RAPGEF1: variants seen among roughly 807,000 people sequenced by gnomAD.
The protein encoded by RAPGEF1 is Rap guanine nucleotide exchange factor 1, also known as CRK SH3-binding GNRP.
Under a neutral mutation model 143.3 loss-of-function variants are expected in RAPGEF1, and 33 were observed. The observed-to-expected ratio is 0.23, with a 90% CI of 0.17 to 0.31. The LOEUF (loss-of-function observed/expected upper bound fraction) is 0.31. RAPGEF1 is among the 10% of genes least tolerant of loss of function. The pLI, the probability that RAPGEF1 is intolerant of heterozygous loss-of-function variation, is 1.00. For missense variants in RAPGEF1, 1,199 were observed against 1,645.4 expected (o/e 0.73, Z 4.69); for synonymous variants, 629 against 676.5 (o/e 0.93, Z 1.09).
At position 131,649,551 on chromosome 9, in the gene RAPGEF1, G is replaced by A. The variant is rs181358758; in HGVS notation, c.315+578C>T. On this transcript the variant is annotated intron_variant, in intron 3 of 26. Coordinates refer to ENST00000683357, the MANE Select transcript of RAPGEF1 (RefSeq NM_001377935.1). Reference sequence around the variant, plus strand: ...AATGCTTAATATTTCTATAGATCCAGTTTCCTTTTTGGCAAAATAACTTTT... The same window carrying A: ...AATGCTTAATATTTCTATAGATCCAATTTCCTTTTTGGCAAAATAACTTTT... Among the ~76,000 whole-genome samples the A allele has an allele frequency of 1.6e-3, 240 of 152,216 alleles. 2 individuals carry two copies. Among genetic ancestry groups the A allele is most frequent in the African/African-American group, 5.5e-3 (229 of 41,506 alleles).
chr9:131,598,180 C>T lies in RAPGEF1; in HGVS notation c.2613+19G>A. The stretch of plus-strand genomic sequence containing the variant: ...TCTGTGGGGCCAGGCTGCAAAGCCC[C>T]AGCCCGGGAAGTTCTCACCTCCTGC... On this transcript the variant is annotated intron_variant, in intron 16 of 26. Transcript: ENST00000683357. 2 of 1,607,230 alleles carry T rather than the reference C, an allele frequency of 1.2e-6. No homozygotes were observed. Among genetic ancestry groups the T allele is most frequent in the Non-Finnish European group, 1.7e-6 (2 of 1,174,222 alleles).
rs1440239207 is a variant in RAPGEF1, at chr9:131,587,791, C to T, written c.3178G>A (p.Glu1060Lys). 6.2e-7 allele frequency: 1 copy of T among 1,613,868 alleles called. No homozygotes were observed. The highest frequency in any genetic ancestry group is 1.7e-5 in the Admixed American group (1 of 60,006). The change falls in exon 22 of 27, where the codon GAG (glutamate) becomes AAG (lysine). Residue 1060 changes from glutamate (E) to lysine (K), a missense_variant. This residue lies in a region of RAPGEF1 where 209 missense variants were observed against 403.0 expected (regional missense o/e 0.52). Coordinates refer to ENST00000683357, the MANE Select transcript of RAPGEF1 (RefSeq NM_001377935.1). ...VLLWAKEQNE[E>K]KSPNLTQFTE... ...AACTGGGTCAAGTTGGGGCTCTTCT[C>T]CTCATTCTGCTCTTTTGCCCAAAGC...
chr9:131,715,387 A>C (rs1536733), intron 1 of RAPGEF1, among the ~76,000 whole-genome samples: 132,282 of 152,008 alleles, frequency 0.87, 57,829 homozygotes, highest in African/African-American at 0.95. Context: ...TGTATGAAAG[A>C]CCTGTGTAGC....
chr9:131,662,760 C>T (rs1012151664), intron 1 of RAPGEF1, among the ~76,000 whole-genome samples: 12 of 152,074 alleles, frequency 7.9e-5, no homozygotes, highest in African/African-American at 2.7e-4. Flanking sequence ...CGAACCTGGT[C>T]TCAAACTCCT....
At chr9:131,630,552 G>A (rs1041834288) in intron 5 of RAPGEF1, among the ~76,000 whole-genome samples, 3 of 152,184 alleles carry the variant, frequency 2.0e-5, no homozygotes, top group African/African-American at 4.8e-5. Context: ...TTTCAAATGC[G>A]TAAAGGCACT....
chr9:131,643,184 A>G, intron 4 of RAPGEF1, 55 bp downstream of exon 4: 1 of 1,522,272 alleles, frequency 6.6e-7, no homozygotes, highest in South Asian at 1.3e-5. Context: ...CCAAACCAAG[A>G]TGCTTCTAAG....
chr9:131,697,276 G>A (rs1404087278), intron 1 of RAPGEF1, among the ~76,000 whole-genome samples: 1 of 152,176 alleles, frequency 6.6e-6, no homozygotes, highest in Non-Finnish European at 1.5e-5. Flanking sequence ...GGCTCCCTAT[G>A]TAAGCAAGGT....
At chr9:131,663,925 C>A (rs1830009984) in intron 1 of RAPGEF1, among the ~76,000 whole-genome samples, 1 of 152,196 alleles carries the variant, frequency 6.6e-6, no homozygotes, top group South Asian at 2.1e-4. Flanking sequence ...CTTTATTTTA[C>A]TGGTGGTTAC....
intron 1 of RAPGEF1, among the ~76,000 whole-genome samples, chr9:131,692,870 C>T (rs1833881304): frequency 6.6e-6 from 1 of 152,128 alleles, no homozygotes; most frequent in African/African-American, 2.4e-5. Context: ...TGCACAGTTG[C>T]TAATGCTTCT....
At chr9:131,587,221 AACACAC>A (rs367860435) in intron 22 of RAPGEF1, among the ~76,000 whole-genome samples, 11 of 60,626 alleles carry the variant, frequency 1.8e-4, no homozygotes, top group South Asian at 1.1e-3. Flanking sequence ...CTCCGTCTCA[AACACAC>A]ACACACACAC....
chr9:131,648,641 A>G (rs1970310318), intron 3 of RAPGEF1, among the ~76,000 whole-genome samples: 2 of 152,192 alleles, frequency 1.3e-5, no homozygotes, highest in African/African-American at 2.4e-5. Context: ...CACAGACCAA[A>G]TCTACTGTAT....
chr9:131,707,612 T>G (rs1157343901), intron 1 of RAPGEF1, among the ~76,000 whole-genome samples: 1 of 152,150 alleles, frequency 6.6e-6, no homozygotes. Context: ...GGCTAATTTT[T>G]GTATTTTTAG....
intron 3 of RAPGEF1, among the ~76,000 whole-genome samples, chr9:131,647,526 T>A (rs1969975723): frequency 6.6e-6 from 1 of 152,172 alleles, no homozygotes; most frequent in Non-Finnish European, 1.5e-5. Flanking sequence ...AATAAGAATG[T>A]ACGTAATCAC....
intron 1 of RAPGEF1, among the ~76,000 whole-genome samples, chr9:131,721,422 A>G (rs894356823): frequency 7.2e-5 from 11 of 152,142 alleles, no homozygotes; most frequent in African/African-American, 2.7e-4. Flanking sequence ...AGAGAGGTGC[A>G]TTGACAAGCA....
chr9:131,707,889 G>A (rs1449775976), intron 1 of RAPGEF1, among the ~76,000 whole-genome samples: 2 of 152,128 alleles, frequency 1.3e-5, no homozygotes, highest in African/African-American at 2.4e-5. Context: ...ACTCAGCACC[G>A]TTTCACACAT....
chr9:131,616,680 T>G (rs1431367097), intron 12 of RAPGEF1, among the ~76,000 whole-genome samples: 1 of 152,202 alleles, frequency 6.6e-6, no homozygotes, highest in Non-Finnish European at 1.5e-5. Flanking sequence ...CTGCTGTGTT[T>G]CCAAGGGGCA....
At chr9:131,590,516 GCTCC>G (rs1208049033) in intron 18 of RAPGEF1, among the ~76,000 whole-genome samples, 1 of 152,250 alleles carries the variant, frequency 6.6e-6, no homozygotes, top group Non-Finnish European at 1.5e-5. Context: ...CTCCACATTG[GCTCC>G]CTGTCTCCAG....
At chr9:131,730,193 CAAAAA>C (rs57402366) in intron 1 of RAPGEF1, among the ~76,000 whole-genome samples, 2 of 67,000 alleles carry the variant, frequency 3.0e-5, no homozygotes, top group Non-Finnish European at 5.2e-5. Flanking sequence ...GACTCCCTCT[CAAAAA>C]AAAAAAAAAA....
intron 18 of RAPGEF1, among the ~76,000 whole-genome samples, chr9:131,590,236 T>A (rs912556421): frequency 6.6e-6 from 1 of 152,122 alleles, no homozygotes; most frequent in African/African-American, 2.4e-5. Flanking sequence ...CGCTGCACTG[T>A]CCAGACCCGC....
Sources: gnomAD v4.1 joint callset for allele counts (sites outside exome capture counted in the v4.1 genomes callset) on GRCh38, gnomAD v4.1.1 for gene constraint, gnomAD v4.1.1 regional missense constraint, MANE v1.5 for transcripts, NCBI Gene and HGNC (gene_info 2026-07-23, HGNC 2026-07-21) for gene names.